Variants in GTF2B observed in about 807,000 individuals in gnomAD.
GTF2B encodes the protein transcription initiation factor IIB.
A neutral mutation model predicts 34.6 loss-of-function variants in GTF2B; 20 were observed. The observed-to-expected ratio is 0.58, with a 90% CI of 0.41 to 0.84. The LOEUF (loss-of-function observed/expected upper bound fraction) is 0.84, where lower values mean the gene tolerates loss of function less well. Ranked by LOEUF, GTF2B falls within the 40% of genes least tolerant of loss-of-function variation. The pLI is 0.00. For synonymous variants in GTF2B, 142 were observed against 132.4 expected (o/e 1.07, Z -0.50); for missense variants, 237 against 393.3 (o/e 0.60, Z 3.36).
intron 6 of GTF2B, 21 bp from the exon 7 acceptor site, chr1:88,853,367 C>T (rs1673233843): frequency 1.2e-6 from 2 of 1,604,674 alleles, no homozygotes; most frequent in Admixed American, 1.7e-5. Context: ...AAAATCGAAA[C>T]ATTAACCATC....
At chr1:88,862,049 A>C (rs1673451223) in intron 3 of GTF2B, among the ~76,000 whole-genome samples, 1 of 152,220 alleles carries the variant, frequency 6.6e-6, no homozygotes, top group Non-Finnish European at 1.5e-5. Flanking sequence ...AAAATGAAAC[A>C]AACTTAACCT....
intron 2 of GTF2B, among the ~76,000 whole-genome samples, chr1:88,874,525 T>C (rs1673771605): frequency 2.4e-5 from 2 of 83,622 alleles, no homozygotes; most frequent in South Asian, 8.5e-4. Context: ...TTTTTTTTTT[T>C]ACAGACACCG....
chr1:88,882,085 G>C (rs534667149), intron 2 of GTF2B, among the ~76,000 whole-genome samples: 1 of 152,138 alleles, frequency 6.6e-6, no homozygotes, highest in East Asian at 1.9e-4. Context: ...CGAGGCAGGT[G>C]GAACACTTGA....
rs750342015 is a variant in GTF2B at position 88,863,964 on chromosome 1, C to T, written c.258+17G>A. On this transcript the variant is annotated intron_variant, in intron 3 of 6. Transcript: ENST00000370500. ...GTCACTCTGCAATTGGTATTTCCTG[C>T]CAAATGGACTTATTACCTTGCCAAT... The T allele has an allele frequency of 3.1e-6, 5 of 1,611,728 alleles. No individual in the cohort carries two copies. Among genetic ancestry groups the T allele is most frequent in the Non-Finnish European group, 4.2e-6 (5 of 1,178,082 alleles).
chr1:88,879,099 A>G (rs1176693047), intron 2 of GTF2B, among the ~76,000 whole-genome samples: 1 of 152,198 alleles, frequency 6.6e-6, no homozygotes, highest in Non-Finnish European at 1.5e-5. Flanking sequence ...CTGAAGTATT[A>G]TGTTGCTTTA....
At chr1:88,856,033 G>A (rs1166571918) in intron 6 of GTF2B, among the ~76,000 whole-genome samples, 1 of 152,140 alleles carries the variant, frequency 6.6e-6, no homozygotes, top group Non-Finnish European at 1.5e-5. Context: ...ACACTGGGAG[G>A]TGGAGGCAGG....
chr1:88,855,359 G>GTTTTTT lies in GTF2B; in HGVS notation c.817+1841_817+1846dup, dbSNP rs750561898. ...GGCCAGTAATTCACTTTCTGTTTTTGTTTTTTTTTTTTTTTTTTGAGACAG... is the reference window on the plus strand; with the variant it reads ...GGCCAGTAATTCACTTTCTGTTTTTGTTTTTTTTTTTTTTTTTTTTTTTTGAGACAG... On this transcript the variant is annotated intron_variant, in intron 6 of 6. Coordinates refer to ENST00000370500, the MANE Select transcript of GTF2B (RefSeq NM_001514.6). 1.2e-3 allele frequency among the ~76,000 whole-genome samples: 145 copies of GTTTTTT among 124,060 alleles called. 1 individual carries two copies. The highest frequency in any genetic ancestry group is 4.2e-3 in the Middle Eastern group (1 of 240). The allele number at this position is 124,060 out of a possible 152,430, so 81.4% of individuals were successfully genotyped here.
rs10922 is a variant in GTF2B, at chr1:88,853,103, G to A, written c.*110C>T. 186 of 930,050 alleles carry A rather than the reference G, an allele frequency of 2.0e-4. No individual in the cohort carries two copies. Among genetic ancestry groups the A allele is most frequent in the Non-Finnish European group, 2.8e-4 (155 of 560,604 alleles). The allele number at this position is 930,050 out of a possible 1,614,324, so 57.6% of individuals were successfully genotyped here. On this transcript the variant is annotated 3_prime_UTR_variant, in exon 7 of 7. Coordinates refer to ENST00000370500, the MANE Select transcript of GTF2B (RefSeq NM_001514.6). ...GCAATAGTATTCAGCCCTGGAATGC[G>A]TACCATGTCTTTTGTTTTTCCTCAT... is the stretch of plus-strand genomic sequence containing the variant.
chr1:88,863,958 T>G lies in GTF2B; in HGVS notation c.258+23A>C. ...TCTATGGTCACTCTGCAATTGGTAT[T>G]TCCTGCCAAATGGACTTATTACCTT... On this transcript the variant is annotated intron_variant, in intron 3 of 6. Transcript: ENST00000370500. 1.9e-6 allele frequency: 3 copies of G among 1,611,190 alleles called. No individual in the cohort carries two copies. The Admixed American group carries it at 5.0e-5, about 27-fold the overall frequency.
rs1353891647 is a variant in GTF2B at position 88,853,394 on chromosome 1, C to CT, written c.818-49dup. On this transcript the variant is annotated intron_variant, in intron 6 of 6. Coordinates refer to ENST00000370500, the MANE Select transcript of GTF2B (RefSeq NM_001514.6). ...TTAACCATCATTTCCATCCTACCTC[C>CT]TTTCCACTACCTGCATTGTAATTTG... 2.0e-6 allele frequency: 3 copies of CT among 1,533,554 alleles called. No homozygotes were observed. The South Asian group carries it at 3.4e-5, about 17-fold the overall frequency. 95.0% of individuals were successfully genotyped at this position (1,533,554 alleles called of 1,614,324 possible).
chr1:88,857,691 C>CTTTGTTTTTTTTT (rs1553162129), intron 5 of GTF2B, among the ~76,000 whole-genome samples: 2 of 108,152 alleles, frequency 1.8e-5, no homozygotes, highest in Non-Finnish European at 3.5e-5. Flanking sequence ...TTCATCACAC[C>CTTTGTTTTTTTTT]TTTTTTTTTG....
At chr1:88,878,954 C>T (rs747268227) in intron 2 of GTF2B, among the ~76,000 whole-genome samples, 5 of 152,156 alleles carry the variant, frequency 3.3e-5, no homozygotes, top group Admixed American at 6.6e-5. Flanking sequence ...CAGGCCCAGC[C>T]GGTGCCAACT....
At chr1:88,888,263 TAA>T (rs1000868116) in intron 1 of GTF2B, among the ~76,000 whole-genome samples, 17 of 152,162 alleles carry the variant, frequency 1.1e-4, no homozygotes, top group African/African-American at 3.9e-4. Flanking sequence ...TGGTTTGGGG[TAA>T]AGTTTCTCAT....
chr1:88,884,932 TAA>T (rs990203803), intron 2 of GTF2B, among the ~76,000 whole-genome samples: 4 of 152,176 alleles, frequency 2.6e-5, no homozygotes, highest in African/African-American at 9.7e-5. Context: ...TAAAAACAAA[TAA>T]ATAAAATAGT....
chr1:88,874,543 A>G (rs1431759805), intron 2 of GTF2B, among the ~76,000 whole-genome samples: 6 of 126,438 alleles, frequency 4.7e-5, no homozygotes, highest in African/African-American at 9.1e-5. Context: ...CCGTCTCACT[A>G]CATTGCCTAG....
chr1:88,890,948 G>A (rs1169070455), intron 1 of GTF2B, among the ~76,000 whole-genome samples: 1 of 151,994 alleles, frequency 6.6e-6, no homozygotes, highest in East Asian at 1.9e-4. Context: ...TTCCACTTCC[G>A]AGGCCCGCTG....
intron 2 of GTF2B, among the ~76,000 whole-genome samples, chr1:88,882,488 T>C (rs547308001): frequency 6.6e-6 from 1 of 152,268 alleles, no homozygotes; most frequent in South Asian, 2.1e-4. Flanking sequence ...ACATTTTCTG[T>C]AAAGGGTGAC....
intron 2 of GTF2B, among the ~76,000 whole-genome samples, chr1:88,869,792 A>C (rs1187193966): frequency 6.6e-6 from 1 of 151,996 alleles, no homozygotes. Context: ...ACGTCTGACT[A>C]ATTTTTGTAT....
intron 5 of GTF2B, 97 bp from the exon 6 acceptor site, chr1:88,857,584 T>C (rs1673341620): frequency 3.1e-6 from 2 of 643,776 alleles, no homozygotes; most frequent in Non-Finnish European, 2.7e-6. Flanking sequence ...TACATTCTAA[T>C]TGTAAAACAT....
Sources: gnomAD v4.1 joint callset for allele counts (sites outside exome capture counted in the v4.1 genomes callset) on GRCh38, gnomAD v4.1.1 for gene constraint, MANE v1.5 for transcripts, NCBI Gene and HGNC (gene_info 2026-07-23, HGNC 2026-07-21) for gene names.